Variants in SLC39A14 observed in about 807,000 individuals in gnomAD.
The protein encoded by SLC39A14 is metal cation symporter ZIP14.
In SLC39A14, 19 loss-of-function variants were observed where a neutral mutation model predicts 45.5. That is an observed-to-expected ratio of 0.42 (90% CI 0.29 to 0.61). The LOEUF (loss-of-function observed/expected upper bound fraction) is 0.61. Among genes scored for constraint, SLC39A14 ranks in the 20% least tolerant of loss-of-function variants. The pLI is 0.22. For missense variants in SLC39A14, 447 were observed against 616.5 expected (o/e 0.73, Z 2.91); for synonymous variants, 264 against 251.3 (o/e 1.05, Z -0.48).
intron 1 of SLC39A14, among the ~76,000 whole-genome samples, chr8:22,400,081 G>T (rs912499537): frequency 2.6e-5 from 4 of 151,252 alleles, no homozygotes; most frequent in African/African-American, 9.9e-5. Context: ...CATCGGGAAA[G>T]ATCTGCACAG....
At chr8:22,403,956 G>C (rs546261620) in intron 1 of SLC39A14, among the ~76,000 whole-genome samples, 2 of 152,014 alleles carry the variant, frequency 1.3e-5, no homozygotes, top group African/African-American at 4.8e-5. Context: ...TAGACAGAGA[G>C]TCTGATGAAT....
chr8:22,394,053 C>G (rs1425067495), intron 1 of SLC39A14, among the ~76,000 whole-genome samples: 4 of 145,722 alleles, frequency 2.7e-5, no homozygotes, highest in African/African-American at 1.0e-4. Context: ...TGTTGCCAGG[C>G]TGAAGTATAG....
chr8:22,417,937 C>T, intron 8 of SLC39A14, 102 bp downstream of exon 8: 1 of 999,020 alleles, frequency 1.0e-6, no homozygotes, highest in Non-Finnish European at 1.4e-6. Context: ...GAGTCTCACT[C>T]TGTCTCCCAG....
intron 1 of SLC39A14, among the ~76,000 whole-genome samples, chr8:22,384,503 T>C (rs1833678774): frequency 6.6e-6 from 1 of 151,038 alleles, no homozygotes; most frequent in African/African-American, 2.4e-5. Flanking sequence ...ATCCCAGCAC[T>C]TTGAGAGGCC....
chr8:22,372,861 C>G (rs1833007497), intron 1 of SLC39A14, among the ~76,000 whole-genome samples: 1 of 152,042 alleles, frequency 6.6e-6, no homozygotes, highest in Non-Finnish European at 1.5e-5. Context: ...GTCTTAAACT[C>G]TGGCTTCAAG....
At chr8:22,422,799 A>C (rs546164922), downstream of SLC39A14, 5 of 711,554 alleles carry the variant, frequency 7.0e-6, no homozygotes, top group African/African-American at 9.8e-5. Context: ...CTGGTTTAAC[A>C]TTTGACTGGG....
intron 3 of SLC39A14, 45 bp from the exon 4 acceptor site, chr8:22,411,989 CCTT>C (rs1463005703): frequency 1.3e-6 from 2 of 1,512,096 alleles, no homozygotes; most frequent in African/African-American, 1.4e-5. Flanking sequence ...GGGGCATGTG[CCTT>C]CTCTCCCTGC....
Position 22,420,108 on chromosome 8 carries a change from G to A in SLC39A14, c.*410G>A. 2.0e-6 allele frequency: 2 copies of A among 989,456 alleles called. No homozygotes were observed. The highest frequency in any genetic ancestry group is 2.4e-6 in the Non-Finnish European group (2 of 832,594). 61.3% of individuals were successfully genotyped at this position (989,456 alleles called of 1,614,324 possible). Reference sequence around the variant, plus strand: ...AGAAATATCAAGAGTTGAATCCATAGTGTGGGGCCCATGACTCTAGCTGGG... The same window carrying A: ...AGAAATATCAAGAGTTGAATCCATAATGTGGGGCCCATGACTCTAGCTGGG... On this transcript the variant is annotated 3_prime_UTR_variant, in exon 9 of 9. Coordinates refer to ENST00000381237, the MANE Select transcript of SLC39A14 (RefSeq NM_001128431.4).
At chr8:22,404,658 G>A (rs902565558) in intron 1 of SLC39A14, 38 bp from the exon 2 acceptor site, 23 of 1,581,142 alleles carry the variant, frequency 1.5e-5, no homozygotes, top group Non-Finnish European at 1.9e-5. Context: ...CGGCACACAG[G>A]GAGAGGCCTC....
In SLC39A14 at chr8:22,367,344, C is replaced by T. The variant is rs1586614149; in HGVS notation, c.-80C>T. The T allele has an allele frequency of 6.6e-6, 1 of 152,036 alleles. No individual in the cohort carries two copies. Among genetic ancestry groups the T allele is most frequent in the African/African-American group, 2.4e-5 (1 of 41,540 alleles). The allele number at this position is 152,036 out of a possible 1,614,324, so 9.4% of individuals were successfully genotyped here. The stretch of plus-strand genomic sequence containing the variant: ...GACGCACCGGCTAAGCTGCTTCTGC[C>T]GCCGCCGGCCGCCTGGGACCTTGCG... On this transcript the variant is annotated 5_prime_UTR_variant, in exon 1 of 9. Transcript: ENST00000381237. The surrounding 1 kb of genome is among the most constrained non-coding windows in gnomAD (Gnocchi z 4.2).
chr8:22,417,548 C>A, intron 7 of SLC39A14, 103 bp from the exon 8 acceptor site: 2 of 990,416 alleles, frequency 2.0e-6, no homozygotes, highest in Non-Finnish European at 3.1e-6. Context: ...AAACAGTCCT[C>A]CCAGCTGAGC....
Position 22,422,177 on chromosome 8 carries a change from C to T in SLC39A14, c.*2479C>T, listed in dbSNP as rs560375797. 1 of 985,376 alleles carries T rather than the reference C, an allele frequency of 1.0e-6. No homozygotes were observed. The highest frequency in any genetic ancestry group is 1.1e-4 in the East Asian group (1 of 8,816). 61.0% of individuals were successfully genotyped at this position (985,376 alleles called of 1,614,324 possible). On this transcript the variant is annotated 3_prime_UTR_variant, in exon 9 of 9. Coordinates refer to ENST00000381237, the MANE Select transcript of SLC39A14 (RefSeq NM_001128431.4). ...ACTTTTTCACCCCTGGCATTAGCAGCTTCGACCTCATTTTCCAGATGCACC... is the reference window on the plus strand; with the variant it reads ...ACTTTTTCACCCCTGGCATTAGCAGTTTCGACCTCATTTTCCAGATGCACC...
intron 1 of SLC39A14, among the ~76,000 whole-genome samples, chr8:22,402,590 T>TA (rs1217176333): frequency 6.6e-6 from 1 of 151,562 alleles, no homozygotes; most frequent in Non-Finnish European, 1.5e-5. Context: ...ACCAACATGG[T>TA]AAAACCCTGT....
Position 22,408,422 on chromosome 8 carries a change from G to T in SLC39A14, c.383G>T (p.Arg128Leu). 1.9e-6 allele frequency: 3 copies of T among 1,614,198 alleles called. No individual in the cohort carries two copies. The highest frequency in any genetic ancestry group is 2.5e-6 in the Non-Finnish European group (3 of 1,180,044). Residue 128 changes from arginine to leucine, a missense_variant, in exon 3 of 9, where the codon CGG becomes CTG. This residue lies in a region of SLC39A14 where 342 missense variants were observed against 428.1 expected (regional missense o/e 0.80). Coordinates refer to ENST00000381237, the MANE Select transcript of SLC39A14 (RefSeq NM_001128431.4). ...ACCATCCTCCAGCAGCTGGATTCCC[G>T]GGCCTGCACCTCGGAGAACCAGGAA... Reference protein sequence around the residue: ...CPTILQQLDSRACTSENQENE... With the variant: ...CPTILQQLDSLACTSENQENE...
At position 22,416,246 on chromosome 8, in the gene SLC39A14, G is replaced by A. The variant is rs1297269274; in HGVS notation, c.1113G>A (p.Val371=). The A allele has an allele frequency of 6.2e-7, 1 of 1,613,290 alleles. No homozygotes were observed. The highest frequency in any genetic ancestry group is 1.1e-5 in the South Asian group (1 of 91,022). The change falls in exon 7 of 9, where the codon GTG becomes GTA. Residue 371 remains valine (V), a synonymous_variant. Transcript: ENST00000381237. The part of the protein sequence containing the change: ...VSVFQGISTS[V]AILCEEFPHE... ...TTTTCCAAGGCATCAGCACCTCGGT[G>A]GCCATCCTCTGTGAGGAGTTCCCAC...
At chr8:22,401,724 C>T (rs1366089951) in intron 1 of SLC39A14, among the ~76,000 whole-genome samples, 2 of 151,702 alleles carry the variant, frequency 1.3e-5, no homozygotes, top group East Asian at 1.9e-4. Flanking sequence ...TTACTACAGA[C>T]GGGGTTTCAC....
chr8:22,419,109 C>T (rs776109559), intron 8 of SLC39A14, among the ~76,000 whole-genome samples: 16 of 152,200 alleles, frequency 1.1e-4, no homozygotes, highest in African/African-American at 1.7e-4. Context: ...CATCCAGAGC[C>T]ACATACACGT....
intron 1 of SLC39A14, among the ~76,000 whole-genome samples, chr8:22,402,636 G>A (rs1169781641): frequency 6.6e-6 from 1 of 151,740 alleles, no homozygotes. Context: ...GGGTATGGTG[G>A]CCAGCGCCTA....
chr8:22,409,001 T>G (rs1468587069), intron 3 of SLC39A14, among the ~76,000 whole-genome samples: 3 of 151,790 alleles, frequency 2.0e-5, no homozygotes, highest in African/African-American at 7.3e-5. Context: ...TTAAATTTTT[T>G]GTAGAGACAC....
Sources: allele counts gnomAD v4.1 joint callset (sites outside exome capture counted in the v4.1 genomes callset), GRCh38; gene constraint gnomAD v4.1.1; regional missense constraint gnomAD v4.1.1; non-coding constraint Gnocchi (gnomAD v3.1); transcripts MANE v1.5; gene names NCBI Gene and HGNC (gene_info 2026-07-23, HGNC 2026-07-21).